The following TSPEAR variants were observed in gnomAD, a reference collection of about 807,000 sequenced individuals.
The protein encoded by TSPEAR is thrombospondin-type laminin G domain and EAR repeat-containing protein.
A neutral mutation model predicts 71.6 loss-of-function variants in TSPEAR; 69 were observed. That is an observed-to-expected ratio of 0.96 (90% CI 0.79 to 1.18). TSPEAR has a LOEUF of 1.18. TSPEAR is among the 50% of genes most tolerant of loss of function. The probability of loss-of-function intolerance (pLI) is 0.00; values close to 1 mark genes in which losing one functional copy is unlikely to be tolerated. For missense variants in TSPEAR, 971 were observed against 894.9 expected (o/e 1.09, Z -1.09); for synonymous variants, 402 against 387.2 (o/e 1.04, Z -0.45).
Position 44,646,570 on chromosome 21 carries a change from G to A in TSPEAR, c.82+64863C>T, listed in dbSNP as rs373410945. On this transcript the variant is annotated intron_variant, in intron 1 of 11. Coordinates refer to ENST00000323084, the MANE Select transcript of TSPEAR (RefSeq NM_144991.3). ...CCCCTGCAGCGCCCCCAGCTGCTGCGCCCCGGCCCCCTCCCTGAGCCTGGT... is the reference window on the plus strand; with the variant it reads ...CCCCTGCAGCGCCCCCAGCTGCTGCACCCCGGCCCCCTCCCTGAGCCTGGT... 7.3e-5 allele frequency: 117 copies of A among 1,612,204 alleles called. 1 individual carries two copies. The African/African-American group carries it at 8.4e-4, about 12-fold the overall frequency.
At position 44,645,339 on chromosome 21, in the gene TSPEAR, C is replaced by T. The variant is rs370527431; in HGVS notation, c.82+66094G>A. 6.9e-4 allele frequency among the ~76,000 whole-genome samples: 101 copies of T among 145,402 alleles called. 1 individual carries two copies. Among genetic ancestry groups the T allele is most frequent in the African/African-American group, 2.3e-3 (90 of 39,100 alleles). ...ATTCTCCTTACAAGGTGTGAGGGAT[C>T]GAAGGGAGGGCCACTTAGCTTTTTT... On this transcript the variant is annotated intron_variant, in intron 1 of 11. Transcript: ENST00000323084.
rs758209884 is a variant in TSPEAR, at chr21:44,593,659, G to A, written c.83-25654C>T. 3.1e-4 allele frequency among the ~76,000 whole-genome samples: 47 copies of A among 152,056 alleles called. No individual in the cohort carries two copies. Among genetic ancestry groups the A allele is most frequent in the African/African-American group, 9.2e-4 (38 of 41,382 alleles). ...CAGCACTAAAGTTAAAATAGAGACC[G>A]TAAGACCCACAGAGCAGACTCTGGC... On this transcript the variant is annotated intron_variant, in intron 1 of 11. Transcript: ENST00000323084. The surrounding 1 kb of genome is among the most constrained non-coding windows in gnomAD (Gnocchi z 5.9).
chr21:44,527,488 T>C lies in TSPEAR; in HGVS notation c.953A>G (p.His318Arg). 1 of 1,614,248 alleles carries C rather than the reference T, an allele frequency of 6.2e-7. No individual in the cohort carries two copies. The highest frequency in any genetic ancestry group is 8.5e-7 in the Non-Finnish European group (1 of 1,180,050). Residue 318 changes from histidine (H) to arginine (R), a missense_variant, in exon 7 of 12, where the codon CAT becomes CGT. Transcript: ENST00000323084. ...CTCTGAGTTGGTGGACAAGTTCTGA[T>C]GCTCCTCCACGTAGTCCAGTCTTTC... is the stretch of plus-strand genomic sequence containing the variant. The part of the protein sequence containing the change: ...AKERLDYVEE[H>R]QNLSTNSETL...
At chr21:44,515,163 A>C (rs940551725) in intron 9 of TSPEAR, among the ~76,000 whole-genome samples, 2 of 151,986 alleles carry the variant, frequency 1.3e-5, no homozygotes, top group Non-Finnish European at 2.9e-5. Context: ...ACAGTAAACA[A>C]ATTAAGACAT....
intron 1 of TSPEAR, chr21:44,601,507 G>C (rs1555928772): frequency 6.8e-6 from 11 of 1,613,122 alleles, no homozygotes; most frequent in Admixed American, 1.7e-5. Flanking sequence ...CTGCCAGCCG[G>C]CTTGCTGCAC....
intron 1 of TSPEAR, among the ~76,000 whole-genome samples, chr21:44,611,559 G>A (rs1981672271): frequency 6.6e-6 from 1 of 152,084 alleles, no homozygotes; most frequent in South Asian, 2.1e-4. Context: ...CTAATACAGG[G>A]GCATCGCACC....
At chr21:44,671,374 T>C (rs1986048005) in intron 1 of TSPEAR, among the ~76,000 whole-genome samples, 1 of 152,214 alleles carries the variant, frequency 6.6e-6, no homozygotes, top group Admixed American at 6.5e-5. Flanking sequence ...ATAAGCAAGC[T>C]GTCTGGAGGC....
chr21:44,595,583 G>A (rs962654583), intron 1 of TSPEAR, among the ~76,000 whole-genome samples: 15 of 152,108 alleles, frequency 9.9e-5, no homozygotes, highest in African/African-American at 1.9e-4. Context: ...TCTGAGCTCC[G>A]GACACCCAGC....
At chr21:44,651,365 G>T (rs911576876) in intron 1 of TSPEAR, among the ~76,000 whole-genome samples, 2 of 152,222 alleles carry the variant, frequency 1.3e-5, no homozygotes, top group African/African-American at 4.8e-5. Context: ...TGTGTGTCCT[G>T]TGGCCACAAA....
chr21:44,596,227 G>C (rs1980359827), intron 1 of TSPEAR, among the ~76,000 whole-genome samples: 1 of 152,240 alleles, frequency 6.6e-6, no homozygotes, highest in South Asian at 2.1e-4. Flanking sequence ...TCAACGGGCA[G>C]CTCGCAATGT....
At chr21:44,525,875 T>G in intron 7 of TSPEAR, 36 bp from the exon 8 acceptor site, 1 of 1,608,038 alleles carries the variant, frequency 6.2e-7, no homozygotes, top group Non-Finnish European at 8.5e-7. Flanking sequence ...GTGGTTCTGC[T>G]TGGGTCGGTG....
chr21:44,586,259 CCTTT>C (rs1979332487), intron 1 of TSPEAR, among the ~76,000 whole-genome samples: 1 of 152,234 alleles, frequency 6.6e-6, no homozygotes, highest in Non-Finnish European at 1.5e-5. Flanking sequence ...CCTGCTTCTG[CCTTT>C]CTTTCTGTTG....
At chr21:44,525,106 GT>G (rs1209229250) in intron 8 of TSPEAR, among the ~76,000 whole-genome samples, 1 of 151,600 alleles carries the variant, frequency 6.6e-6, no homozygotes, top group African/African-American at 2.4e-5. Flanking sequence ...CAGGTTGTCA[GT>G]CAGCCAATCA....
chr21:44,594,325 G>T (rs1398600862), intron 1 of TSPEAR, among the ~76,000 whole-genome samples: 1 of 152,228 alleles, frequency 6.6e-6, no homozygotes, highest in Non-Finnish European at 1.5e-5. Context: ...CTTATAAGGG[G>T]ATAATGAAAC....
intron 1 of TSPEAR, among the ~76,000 whole-genome samples, chr21:44,634,803 C>T (rs58708670): frequency 0.034 from 5,194 of 152,144 alleles, 259 homozygotes; most frequent in African/African-American, 0.12. Context: ...TCATACCCAC[C>T]AAGATGGCTA....
In TSPEAR at chr21:44,568,124, T is replaced by C. The variant is rs1209845733; in HGVS notation, c.83-119A>G. 2.1e-5 allele frequency: 13 copies of C among 628,578 alleles called. No individual in the cohort carries two copies. In the East Asian group the frequency reaches 3.9e-4, roughly 19 times the overall value. The allele number at this position is 628,578 out of a possible 1,614,324, so 38.9% of individuals were successfully genotyped here. A position where few individuals can be genotyped will look rare whatever the true frequency, so the allele number is the denominator to read the frequency against. On this transcript the variant is annotated intron_variant, in intron 1 of 11. Coordinates refer to ENST00000323084, the MANE Select transcript of TSPEAR (RefSeq NM_144991.3). ...GCACTTTACATAGCACTATAGCCCC[T>C]ATGAGCTGTGAACCAAGGTTATCTC...
Position 44,571,263 on chromosome 21 carries a change from T to A in TSPEAR, c.83-3258A>T, listed in dbSNP as rs370602721. Among the ~76,000 whole-genome samples the A allele has an allele frequency of 3.3e-5, 5 of 152,374 alleles. No homozygotes were observed. The East Asian group carries it at 9.6e-4, about 29-fold the overall frequency. On this transcript the variant is annotated intron_variant, in intron 1 of 11. Transcript: ENST00000323084. ...TGGGGTCTGGCTATGTTGCCCAGGC[T>A]GATCTCAAACTCCTGGCCTTAAATA...
In TSPEAR at chr21:44,541,324, C is replaced by A. The variant is rs116626894; in HGVS notation, c.304-7401G>T. On this transcript the variant is annotated intron_variant, in intron 2 of 11. Transcript: ENST00000323084. ...GAGCTCTGAACGCGATTCCATTGTG[C>A]CACCTTTTTCTTATGCTGTATAAAA... is the stretch of plus-strand genomic sequence containing the variant. Among the ~76,000 whole-genome samples, 315 of 152,340 alleles carry A rather than the reference C, an allele frequency of 2.1e-3. 5 individuals are homozygous for A. The highest frequency in any genetic ancestry group is 0.014 in the Middle Eastern group (4 of 294).
intron 1 of TSPEAR, among the ~76,000 whole-genome samples, chr21:44,705,623 C>T (rs1482036169): frequency 6.6e-6 from 1 of 152,192 alleles, no homozygotes; most frequent in African/African-American, 2.4e-5. Context: ...GTGAAATAAA[C>T]TCCAGTCTCC....
Sources: allele counts gnomAD v4.1 joint callset (sites outside exome capture counted in the v4.1 genomes callset), GRCh38; gene constraint gnomAD v4.1.1; non-coding constraint Gnocchi (gnomAD v3.1); transcripts MANE v1.5; gene names NCBI Gene and HGNC (gene_info 2026-07-23, HGNC 2026-07-21).